The following BICD1 variants were observed in gnomAD, a reference collection of about 807,000 sequenced individuals.
The protein encoded by BICD1 is BICD cargo adaptor 1.
In BICD1, 35 loss-of-function variants were observed where a neutral mutation model predicts 92.5. The ratio of observed to expected loss-of-function variants is 0.38; its 90% CI spans 0.29 to 0.50. The LOEUF (loss-of-function observed/expected upper bound fraction) is 0.50. BICD1 is among the 20% of genes least tolerant of loss of function. The pLI is 0.93. For missense variants in BICD1, 950 were observed against 1,189.8 expected (o/e 0.80, Z 2.97); for synonymous variants, 429 against 465.1 (o/e 0.92, Z 1.00).
At chr12:32,286,059 G>A (rs1489772884) in intron 2 of BICD1, among the ~76,000 whole-genome samples, 2 of 152,140 alleles carry the variant, frequency 1.3e-5, no homozygotes, top group African/African-American at 4.8e-5. Flanking sequence ...AACCAGTGTT[G>A]CAGCCCAAGC....
At chr12:32,348,723 AATATATATATATATATATATAT>A (rs11272207) in intron 8 of BICD1, among the ~76,000 whole-genome samples, 43 of 118,014 alleles carry the variant, frequency 3.6e-4, no homozygotes, top group Middle Eastern at 4.4e-3. Context: ...CTCACACAAA[AATATATATATATATATATATAT>A]ATATATATAT....
chr12:32,306,928 A>AAT (rs2136221225), intron 4 of BICD1, among the ~76,000 whole-genome samples: 2 of 152,078 alleles, frequency 1.3e-5, no homozygotes, highest in South Asian at 4.2e-4. Context: ...GAGTCAGGAG[A>AAT]ATCACTTGAA....
chr12:32,208,703 T>G (rs1343132823), intron 1 of BICD1, among the ~76,000 whole-genome samples: 1 of 152,248 alleles, frequency 6.6e-6, no homozygotes, highest in Non-Finnish European at 1.5e-5. Flanking sequence ...GACTCTTTGC[T>G]GCTGGAATAT....
chr12:32,125,863 A>C (rs1423930015), intron 1 of BICD1, among the ~76,000 whole-genome samples: 6 of 145,000 alleles, frequency 4.1e-5, no homozygotes, highest in Admixed American at 2.9e-4. Context: ...GCAACATGGC[A>C]AGACCCCGTC....
intron 1 of BICD1, among the ~76,000 whole-genome samples, chr12:32,153,464 C>CA (rs1198386320): frequency 4.6e-5 from 7 of 152,132 alleles, no homozygotes; most frequent in Non-Finnish European, 1.0e-4. Context: ...AGTGAGTCAA[C>CA]AAGGCCCACC....
At chr12:32,311,911 T>C (rs943734759) in intron 4 of BICD1, among the ~76,000 whole-genome samples, 1 of 152,242 alleles carries the variant, frequency 6.6e-6, no homozygotes, top group Non-Finnish European at 1.5e-5. Flanking sequence ...AAATATATTT[T>C]GGTTTTCTTT....
At chr12:32,147,833 C>T (rs1943160522) in intron 1 of BICD1, among the ~76,000 whole-genome samples, 2 of 152,080 alleles carry the variant, frequency 1.3e-5, no homozygotes, top group Non-Finnish European at 2.9e-5. Context: ...GAAAAGTATT[C>T]GTATCTATAT....
intron 2 of BICD1, among the ~76,000 whole-genome samples, chr12:32,250,899 C>T (rs1592556088): frequency 1.3e-5 from 2 of 152,064 alleles, no homozygotes; most frequent in African/African-American, 4.8e-5. Flanking sequence ...GGGAGGATTG[C>T]CTGAGCCCAA....
At chr12:32,213,891 C>T (rs1032495912) in intron 1 of BICD1, among the ~76,000 whole-genome samples, 1 of 152,148 alleles carries the variant, frequency 6.6e-6, no homozygotes, top group Admixed American at 6.5e-5. Flanking sequence ...TCTCATCATA[C>T]TTTTGCCCAT....
chr12:32,322,342 T>G (rs951673784), intron 4 of BICD1, among the ~76,000 whole-genome samples: 3 of 151,742 alleles, frequency 2.0e-5, no homozygotes, highest in Non-Finnish European at 4.4e-5. Flanking sequence ...AGTCCCCAAC[T>G]TTTTTTGGAC....
chr12:32,162,372 G>A (rs996276272), intron 1 of BICD1, among the ~76,000 whole-genome samples: 1 of 152,164 alleles, frequency 6.6e-6, no homozygotes, highest in Non-Finnish European at 1.5e-5. Flanking sequence ...TAATATAGGC[G>A]AAGATTTTTC....
chr12:32,141,735 A>G (rs1424508622), intron 1 of BICD1, among the ~76,000 whole-genome samples: 8 of 152,074 alleles, frequency 5.3e-5, no homozygotes, highest in Non-Finnish European at 2.9e-5. Context: ...CAGCCTCCCA[A>G]AGTGCTGGGA....
chr12:32,164,965 C>T (rs562588935), intron 1 of BICD1, among the ~76,000 whole-genome samples: 1 of 152,120 alleles, frequency 6.6e-6, no homozygotes, highest in African/African-American at 2.4e-5. Context: ...GGGTCATGCC[C>T]GTGCCTGACA....
At chr12:32,128,814 G>A (rs1379298954) in intron 1 of BICD1, among the ~76,000 whole-genome samples, 3 of 151,724 alleles carry the variant, frequency 2.0e-5, no homozygotes, top group Non-Finnish European at 2.9e-5. Context: ...GTTTTGTTGC[G>A]CAGGCTAGAA....
chr12:32,163,732 T>C (rs1943668460), intron 1 of BICD1, among the ~76,000 whole-genome samples: 1 of 152,190 alleles, frequency 6.6e-6, no homozygotes, highest in South Asian at 2.1e-4. Context: ...TCACCAAATA[T>C]TCCATGTGGC....
chr12:32,288,385 C>T (rs1412276064), intron 2 of BICD1, among the ~76,000 whole-genome samples: 1 of 151,880 alleles, frequency 6.6e-6, no homozygotes, highest in African/African-American at 2.4e-5. Context: ...GTGTGCACCA[C>T]CATACCTGGC....
At chr12:32,226,957 GC>G (rs992919194) in intron 2 of BICD1, among the ~76,000 whole-genome samples, 16 of 152,314 alleles carry the variant, frequency 1.1e-4, no homozygotes, top group Non-Finnish European at 1.9e-4. Context: ...CCACAGCTTG[GC>G]ACAGACCAGG....
chr12:32,252,111 T>TGTATTATATATTTATAATAA, intron 2 of BICD1, among the ~76,000 whole-genome samples: 1 of 61,884 alleles, frequency 1.6e-5, no homozygotes, highest in African/African-American at 4.2e-5. Context: ...ATAAATATTA[T>TGTATTATATATTTATAATAA]ATATTATATA....
intron 8 of BICD1, among the ~76,000 whole-genome samples, chr12:32,341,573 C>T (rs1009156010): frequency 6.6e-6 from 1 of 151,952 alleles, no homozygotes; most frequent in African/African-American, 2.4e-5. Context: ...TTATAATTCT[C>T]ACCATTTATG....
Sources: gnomAD v4.1 joint callset for allele counts (sites outside exome capture counted in the v4.1 genomes callset) on GRCh38, gnomAD v4.1.1 for gene constraint, MANE v1.5 for transcripts, NCBI Gene and HGNC (gene_info 2026-07-23, HGNC 2026-07-21) for gene names.